The following CNBD1 variants were observed in gnomAD, a reference collection of about 807,000 sequenced individuals.
The protein encoded by CNBD1 is cyclic nucleotide binding domain containing 1.
CNBD1 carries 71 observed loss-of-function variants against 54.4 expected under a neutral mutation model. The observed-to-expected ratio is 1.30, with a 90% confidence interval of 1.08 to 1.59. The LOEUF (loss-of-function observed/expected upper bound fraction) is 1.59, where lower values mean the gene tolerates loss of function less well. CNBD1 is among the 40% of genes most tolerant of loss of function. CNBD1 has a pLI of 0.00. For missense variants in CNBD1, 659 were observed against 518.0 expected (o/e 1.27, Z -2.64); for synonymous variants, 182 against 170.7 (o/e 1.07, Z -0.51).
chr8:87,120,602 GT>G (rs1811870177), intron 4 of CNBD1, among the ~76,000 whole-genome samples: 1 of 151,706 alleles, frequency 6.6e-6, no homozygotes, highest in Non-Finnish European at 1.5e-5. Context: ...CTAATTTTGG[GT>G]TTGGTTTGTT....
chr8:87,170,055 T>C (rs1188368958), intron 4 of CNBD1, among the ~76,000 whole-genome samples: 1 of 152,130 alleles, frequency 6.6e-6, no homozygotes, highest in African/African-American at 2.4e-5. Flanking sequence ...ATGGAATATA[T>C]TTCAATTTTT....
intron 4 of CNBD1, among the ~76,000 whole-genome samples, chr8:87,022,338 T>C (rs954394607): frequency 6.6e-5 from 10 of 152,154 alleles, no homozygotes; most frequent in African/African-American, 2.2e-4. Flanking sequence ...TGGTTAGCTG[T>C]CTCCAAACAA....
At chr8:86,908,800 T>TTTTGAAGGAGTCC (rs1554629463) in intron 3 of CNBD1, among the ~76,000 whole-genome samples, 1 of 135,776 alleles carries the variant, frequency 7.4e-6, no homozygotes, top group Non-Finnish European at 1.6e-5. Flanking sequence ...TTTTTTTTTT[T>TTTTGAAGGAGTCC]TGTGCTGAGG....
chr8:87,150,936 G>C (rs901510266), intron 4 of CNBD1, among the ~76,000 whole-genome samples: 3 of 152,158 alleles, frequency 2.0e-5, no homozygotes, highest in African/African-American at 4.8e-5. Context: ...ATTTACAGTT[G>C]TAAGTGTTCT....
chr8:87,314,527 C>A (rs1355578446), intron 8 of CNBD1, among the ~76,000 whole-genome samples: 1 of 151,742 alleles, frequency 6.6e-6, no homozygotes, highest in East Asian at 1.9e-4. Context: ...AACACCAGAA[C>A]CATTGCCATG....
intron 2 of CNBD1, among the ~76,000 whole-genome samples, chr8:87,421,573 A>G (rs1320798573): frequency 4.8e-4 from 72 of 150,266 alleles, no homozygotes; most frequent in African/African-American, 1.4e-3. Flanking sequence ...ATGATTTCCG[A>G]TTTCATCCAT....
rs542142070 is a variant in CNBD1 at position 86,939,711 on chromosome 8, G to T, written c.388G>T (p.Ala130Ser). The T allele has an allele frequency of 1.9e-6, 3 of 1,585,272 alleles. No individual in the cohort carries two copies. Among genetic ancestry groups the T allele is most frequent in the South Asian group, 1.2e-5 (1 of 86,738 alleles). The change falls in exon 4 of 11, where the codon GCC becomes TCC. Residue 130 changes from alanine to serine, a missense_variant. Physicochemically the swap from Ala to Ser is moderately conservative, Grantham distance 99. Transcript: ENST00000518476. ...CCATATTTTATATAGACCAAAAAGA[G>T]CCACAGAGAAATTTGAAGAATTCCT... ...GGHILYRPKR[A>S]TEKFEEFLAI...
chr8:87,376,709 G>C (rs1810948009), intron 10 of CNBD1, among the ~76,000 whole-genome samples: 1 of 151,838 alleles, frequency 6.6e-6, no homozygotes, highest in African/African-American at 2.4e-5. Flanking sequence ...TCATCTTAAT[G>C]AAAATCTTAG....
At chr8:87,116,819 T>G (rs1811781103) in intron 4 of CNBD1, among the ~76,000 whole-genome samples, 3 of 152,100 alleles carry the variant, frequency 2.0e-5, no homozygotes. Context: ...TTAACACTAC[T>G]CAAAATAACA....
intron 8 of CNBD1, among the ~76,000 whole-genome samples, chr8:87,319,816 A>G (rs1809481166): frequency 6.6e-6 from 1 of 152,074 alleles, no homozygotes; most frequent in Non-Finnish European, 1.5e-5. Flanking sequence ...TAGCTCATAA[A>G]TGTTCATTTT....
Position 87,103,445 on chromosome 8 carries a change from A to G in CNBD1, c.432-102548A>G, listed in dbSNP as rs541458969. ...ATTAGTCTTTTCTCATGGTGCTAAT[A>G]AAGACATACCTAGGACTTGGTAATT... On this transcript the variant is annotated intron_variant, in intron 4 of 10. Transcript: ENST00000518476. 3.0e-4 allele frequency among the ~76,000 whole-genome samples: 45 copies of G among 152,340 alleles called. 1 individual carries two copies. In the South Asian group the frequency reaches 4.6e-3, roughly 15 times the overall value.
intron 5 of CNBD1, among the ~76,000 whole-genome samples, chr8:87,222,185 T>C (rs1050168855): frequency 6.6e-6 from 1 of 152,126 alleles, no homozygotes; most frequent in Non-Finnish European, 1.5e-5. Context: ...CATAGAGTTT[T>C]ATCTTATTCC....
At chr8:86,951,506 G>T (rs553127939) in intron 4 of CNBD1, among the ~76,000 whole-genome samples, 1 of 141,764 alleles carries the variant, frequency 7.1e-6, no homozygotes, top group Admixed American at 7.4e-5. Context: ...CTTGAACCTG[G>T]GAGGCAGAGG....
intron 8 of CNBD1, among the ~76,000 whole-genome samples, chr8:87,328,800 A>T (rs527767866): frequency 6.6e-6 from 1 of 151,980 alleles, no homozygotes; most frequent in African/African-American, 2.4e-5. Flanking sequence ...TATATTTTTC[A>T]GTGTGCAAGC....
At chr8:87,301,113 T>C (rs530033124) in intron 8 of CNBD1, among the ~76,000 whole-genome samples, 81 of 152,110 alleles carry the variant, frequency 5.3e-4, no homozygotes, top group African/African-American at 2.0e-3. Context: ...GATGGATAAA[T>C]TCCTGGAAAA....
intron 8 of CNBD1, among the ~76,000 whole-genome samples, chr8:87,310,995 C>A (rs866642007): frequency 2.6e-5 from 4 of 151,994 alleles, no homozygotes; most frequent in Admixed American, 6.6e-5. Flanking sequence ...AATATAAGAA[C>A]CCTAGGAGAA....
At position 87,237,631 on chromosome 8, in the gene CNBD1, A is replaced by G. The variant is rs943166918; in HGVS notation, c.771+519A>G. Among the ~76,000 whole-genome samples the G allele has an allele frequency of 2.0e-5, 3 of 152,156 alleles. No individual in the cohort carries two copies. In the South Asian group the frequency reaches 6.2e-4, roughly 31 times the overall value. On this transcript the variant is annotated intron_variant, in intron 6 of 10. Transcript: ENST00000518476. ...TAGCTGGTCAAAAATTAAAAGTTCC[A>G]TATCTTTCCGAATCTCTGGATACTC...
chr8:87,413,166 G>C (rs532257732), intron 2 of CNBD1, among the ~76,000 whole-genome samples: 1 of 152,036 alleles, frequency 6.6e-6, no homozygotes, highest in African/African-American at 2.4e-5. Flanking sequence ...AACGTGGCTT[G>C]TGGATGAGGC....
intron 4 of CNBD1, among the ~76,000 whole-genome samples, chr8:87,144,764 T>C (rs530055361): frequency 3.9e-4 from 57 of 146,842 alleles, no homozygotes; most frequent in African/African-American, 1.4e-3. Flanking sequence ...GAGCTTGCAG[T>C]GAGCCAAATT....
Sources: gnomAD v4.1 joint callset for allele counts (sites outside exome capture counted in the v4.1 genomes callset) on GRCh38, gnomAD v4.1.1 for gene constraint, MANE v1.5 for transcripts, NCBI Gene and HGNC (gene_info 2026-07-23, HGNC 2026-07-21) for gene names.